The following ACSF3 variants were observed in gnomAD, a reference collection of about 807,000 sequenced individuals.
The protein encoded by ACSF3 is acyl-CoA synthetase family member 3, also known as malonate--CoA ligase ACSF3, mitochondrial.
A neutral mutation model predicts 53.2 loss-of-function variants in ACSF3; 78 were observed. The observed-to-expected ratio is 1.47, with a 90% confidence interval of 1.22 to 1.77. The LOEUF (loss-of-function observed/expected upper bound fraction) is 1.77. Ranked by LOEUF, ACSF3 falls within the 40% of genes most tolerant of loss-of-function variation. The pLI, the probability that ACSF3 is intolerant of heterozygous loss-of-function variation, is 0.00. For missense variants in ACSF3, 937 were observed against 771.1 expected (o/e 1.22, Z -2.55); for synonymous variants, 414 against 333.1 (o/e 1.24, Z -2.65).
chr16:89,150,756 CA>C (rs1401604537), intron 10 of ACSF3: 6 of 349,066 alleles, frequency 1.7e-5, no homozygotes, highest in Non-Finnish European at 2.8e-5. Flanking sequence ...GCCCTGGAGC[CA>C]GGCCCTTGCT....
chr16:89,114,304 A>G, intron 5 of ACSF3, 35 bp from the exon 6 acceptor site: 2 of 1,612,910 alleles, frequency 1.2e-6, no homozygotes, highest in Non-Finnish European at 1.7e-6. Flanking sequence ...GCCACGTCCC[A>G]AGGGGCTAAA....
chr16:89,100,449 G>C (rs555204730), intron 2 of ACSF3, among the ~76,000 whole-genome samples: 1 of 152,362 alleles, frequency 6.6e-6, no homozygotes, highest in African/African-American at 2.4e-5. Flanking sequence ...AACTCATGAA[G>C]TGAAATAGAA....
intron 4 of ACSF3, among the ~76,000 whole-genome samples, chr16:89,103,336 C>T (rs565658203): frequency 2.0e-5 from 3 of 152,348 alleles, no homozygotes; most frequent in East Asian, 1.9e-4. Context: ...ACGAGTCTTG[C>T]GGAGCTGATG....
intron 1 of ACSF3, among the ~76,000 whole-genome samples, chr16:89,096,151 T>C (rs1974590002): frequency 6.6e-6 from 1 of 152,152 alleles, no homozygotes; most frequent in Non-Finnish European, 1.5e-5. Context: ...TTTCTCAGCT[T>C]CTGACTAGAG....
rs370860216 is a variant in ACSF3 at position 89,095,985 on chromosome 16, T to C, written c.-194+1989T>C. Among the ~76,000 whole-genome samples, 13 of 152,314 alleles carry C rather than the reference T, an allele frequency of 8.5e-5. No homozygotes were observed. In the South Asian group the frequency reaches 1.5e-3, roughly 17 times the overall value. ...GATGCATCCCGCTGCGCTGCATGTG[T>C]GTTCCCGAGAAGCCCCAGTGCCTTA... is the stretch of plus-strand genomic sequence containing the variant. On this transcript the variant is annotated intron_variant, in intron 1 of 10. Transcript: ENST00000614302.
chr16:89,095,526 C>T (rs10163422), intron 1 of ACSF3, among the ~76,000 whole-genome samples: 36,827 of 151,218 alleles, frequency 0.24, 4,780 homozygotes, highest in Non-Finnish European at 0.28. Context: ...CGAGCACAGC[C>T]CTCCTCTGCC....
intron 4 of ACSF3, among the ~76,000 whole-genome samples, chr16:89,109,630 T>A (rs1164456698): frequency 6.6e-6 from 1 of 152,160 alleles, no homozygotes; most frequent in Non-Finnish European, 1.5e-5. Context: ...CAGGCTGGTC[T>A]TGAACTCCTG....
At chr16:89,134,209 G>C (rs1184185441) in intron 8 of ACSF3, among the ~76,000 whole-genome samples, 1 of 152,166 alleles carries the variant, frequency 6.6e-6, no homozygotes, top group Non-Finnish European at 1.5e-5. Flanking sequence ...GGCAAGCGTC[G>C]TGTTCTCTGA....
intron 4 of ACSF3, among the ~76,000 whole-genome samples, chr16:89,107,700 T>C (rs1003787726): frequency 6.6e-6 from 1 of 152,256 alleles, no homozygotes; most frequent in African/African-American, 2.4e-5. Flanking sequence ...CAGATGTCCC[T>C]GTGGACAGTT....
At chr16:89,114,573 G>C (rs1466359908) in intron 6 of ACSF3, 86 bp downstream of exon 6, 1 of 1,583,126 alleles carries the variant, frequency 6.3e-7, no homozygotes, top group East Asian at 2.2e-5. Flanking sequence ...CCCACATTCG[G>C]ACTGAAGGGC....
chr16:89,111,886 T>A (rs2151443323), intron 4 of ACSF3, among the ~76,000 whole-genome samples: 1 of 152,360 alleles, frequency 6.6e-6, no homozygotes, highest in South Asian at 2.1e-4. Flanking sequence ...TCACGATTGC[T>A]CTTCCCCTCA....
At chr16:89,104,736 C>T (rs1337591464) in intron 4 of ACSF3, among the ~76,000 whole-genome samples, 1 of 152,172 alleles carries the variant, frequency 6.6e-6, no homozygotes, top group Non-Finnish European at 1.5e-5. Context: ...CAGTCTCATC[C>T]CCGGAAAATA....
At chr16:89,100,525 G>C (rs889738317) in intron 2 of ACSF3, 137 bp from the exon 3 acceptor site, 1 of 856,134 alleles carries the variant, frequency 1.2e-6, no homozygotes, top group Middle Eastern at 3.5e-4. Flanking sequence ...GACGTGGCCT[G>C]TCTGGTGCGC....
At chr16:89,112,376 CTCTCTACCCGTCTCCG>C in intron 5 of ACSF3, 130 bp downstream of exon 5, 1 of 1,187,700 alleles carries the variant, frequency 8.4e-7, no homozygotes, top group Non-Finnish European at 1.2e-6. Context: ...TGTTCCCTCT[CTCTCTACCCGTCTCCG>C]TCTCTACCTC....
At chr16:89,143,354 G>T (rs113141695) in intron 8 of ACSF3, among the ~76,000 whole-genome samples, 3 of 152,144 alleles carry the variant, frequency 2.0e-5, no homozygotes, top group Non-Finnish European at 4.4e-5. Flanking sequence ...TGGCCTCTCC[G>T]GCAGGACCAG....
In ACSF3 at chr16:89,114,722, C is replaced by T. The variant is rs1000624300; in HGVS notation, c.1126+235C>T. On this transcript the variant is annotated intron_variant, in intron 6 of 10. Transcript: ENST00000614302. ...GGATGGGGGAGGTGTCTGTGCTGGC[C>T]CCTGGCTGTATGACTGGGGAGACAA... 9.6e-6 allele frequency: 6 copies of T among 628,016 alleles called. No homozygotes were observed. In the Admixed American group the frequency reaches 1.2e-4, roughly 13 times the overall value. 38.9% of individuals were successfully genotyped at this position (628,016 alleles called of 1,614,324 possible). A position where few individuals can be genotyped will look rare whatever the true frequency, so the allele number is the denominator to read the frequency against.
At chr16:89,151,568 G>T in intron 10 of ACSF3, 2 of 211,500 alleles carry the variant, frequency 9.5e-6, no homozygotes, top group Non-Finnish European at 9.6e-6. Context: ...GGAATAGAGG[G>T]TTACTTTCAT....
chr16:89,105,720 C>T (rs1043979118), intron 4 of ACSF3, among the ~76,000 whole-genome samples: 1 of 152,216 alleles, frequency 6.6e-6, no homozygotes, highest in African/African-American at 2.4e-5. Context: ...GTCACTTGGG[C>T]AGAGGCAGCA....
chr16:89,128,888 G>T lies in ACSF3; in HGVS notation c.1240-4248G>T, dbSNP rs1908704594. 2.0e-5 allele frequency among the ~76,000 whole-genome samples: 3 copies of T among 152,140 alleles called. No homozygotes were observed. The South Asian group carries it at 6.2e-4, about 32-fold the overall frequency. On this transcript the variant is annotated intron_variant, in intron 7 of 10. Coordinates refer to ENST00000614302, the MANE Select transcript of ACSF3 (RefSeq NM_001243279.3). ...TCACACCTGTAATCCCAACACTTTGGGAGGCCAAGGCAGGAGAATCACTGC... is the reference window on the plus strand; with the variant it reads ...TCACACCTGTAATCCCAACACTTTGTGAGGCCAAGGCAGGAGAATCACTGC...
Sources: gnomAD v4.1 joint callset for allele counts (sites outside exome capture counted in the v4.1 genomes callset) on GRCh38, gnomAD v4.1.1 for gene constraint, MANE v1.5 for transcripts, NCBI Gene and HGNC (gene_info 2026-07-23, HGNC 2026-07-21) for gene names.